UVSSA: variants seen among roughly 807,000 people sequenced by gnomAD.
UVSSA encodes UV-stimulated scaffold protein A.
UVSSA carries 72 observed loss-of-function variants against 73.9 expected under a neutral mutation model. The observed-to-expected ratio is 0.97, with a 90% CI of 0.81 to 1.19. The LOEUF (loss-of-function observed/expected upper bound fraction) is 1.19. Ranked by LOEUF, UVSSA falls within the 50% of genes most tolerant of loss-of-function variation. The probability of loss-of-function intolerance (pLI) is 0.00; values close to 1 mark genes in which losing one functional copy is unlikely to be tolerated. For missense variants in UVSSA, 1,150 were observed against 965.0 expected (o/e 1.19, Z -2.54); for synonymous variants, 454 against 391.3 (o/e 1.16, Z -1.89).
chr4:1,371,210 C>G (rs1225130841), intron 8 of UVSSA, among the ~76,000 whole-genome samples: 1 of 152,060 alleles, frequency 6.6e-6, no homozygotes, highest in Non-Finnish European at 1.5e-5. Context: ...GGCCTGCACG[C>G]TCTGCAGCTC....
At position 1,347,526 on chromosome 4, in the gene UVSSA, C is replaced by T. The variant is rs1430590081; in HGVS notation, c.-237C>T. On this transcript the variant is annotated 5_prime_UTR_variant, in exon 1 of 14. Coordinates refer to ENST00000389851, the MANE Select transcript of UVSSA (RefSeq NM_020894.4). ...CGAGTAGGGCGCAGCTTCCCAGCCT[C>T]CGCCCCGGCCTCGCCTGGCGCTTCC... is the stretch of plus-strand genomic sequence containing the variant. The T allele has an allele frequency of 1.3e-5, 2 of 152,546 alleles. No homozygotes were observed. Among genetic ancestry groups the T allele is most frequent in the African/African-American group, 4.8e-5 (2 of 41,478 alleles). The allele number at this position is 152,546 out of a possible 1,614,324, so 9.4% of individuals were successfully genotyped here.
At chr4:1,374,000 C>T (rs1336101163) in intron 8 of UVSSA, among the ~76,000 whole-genome samples, 1 of 152,260 alleles carries the variant, frequency 6.6e-6, no homozygotes, top group African/African-American at 2.4e-5. Context: ...TGCACCTCTT[C>T]GCCCCAGCTG....
At chr4:1,392,955 A>T (rs1720440848), downstream of UVSSA, 1 of 152,204 alleles carries the variant, frequency 6.6e-6, no homozygotes, top group African/African-American at 2.4e-5. Context: ...ATGTGTGGTG[A>T]GTATGCCTTC....
chr4:1,351,683 C>G, intron 3 of UVSSA, 32 bp from the exon 4 acceptor site: 1 of 1,609,138 alleles, frequency 6.2e-7, no homozygotes, highest in African/African-American at 1.3e-5. Flanking sequence ...GCCACCGCGC[C>G]TGTCCCCTAG....
At chr4:1,351,951 C>A in intron 4 of UVSSA, 116 bp downstream of exon 4, 1 of 1,486,180 alleles carries the variant, frequency 6.7e-7, no homozygotes, top group Non-Finnish European at 9.0e-7. Context: ...TTGAGACAGG[C>A]TAGGTGGAGA....
chr4:1,371,775 G>A (rs1718069049), intron 8 of UVSSA, among the ~76,000 whole-genome samples: 1 of 152,186 alleles, frequency 6.6e-6, no homozygotes, highest in South Asian at 2.1e-4. Context: ...CACCACGTGT[G>A]GGAATTATGG....
intron 8 of UVSSA, among the ~76,000 whole-genome samples, chr4:1,370,978 C>T (rs112015973): frequency 0.016 from 2,376 of 152,314 alleles, 69 homozygotes; most frequent in African/African-American, 0.051. Flanking sequence ...CTGTGCCCGG[C>T]GGCCTTGCAG....
intron 3 of UVSSA, among the ~76,000 whole-genome samples, chr4:1,350,913 A>G (rs1714619710): frequency 6.6e-6 from 1 of 151,860 alleles, no homozygotes; most frequent in South Asian, 2.1e-4. Flanking sequence ...GTTGTTGATG[A>G]TGTTGTTTTT....
chr4:1,350,431 C>T (rs1276082042), intron 3 of UVSSA, among the ~76,000 whole-genome samples: 1 of 152,154 alleles, frequency 6.6e-6, no homozygotes, highest in Non-Finnish European at 1.5e-5. Flanking sequence ...CTTGGAGTGC[C>T]CTGTCTCCCA....
chr4:1,376,253 C>T, intron 10 of UVSSA, 85 bp downstream of exon 10: 1 of 1,468,458 alleles, frequency 6.8e-7, no homozygotes. Flanking sequence ...ACCAGGCCTC[C>T]CTGGGTCTGA....
At chr4:1,355,088 C>G (rs977346381) in intron 6 of UVSSA, 29 bp from the exon 7 acceptor site, 2 of 1,611,652 alleles carry the variant, frequency 1.2e-6, no homozygotes, top group African/African-American at 2.7e-5. Context: ...CCGGCCGGCC[C>G]CTGAGCTGTT....
chr4:1,378,684 C>T (rs1044052419), intron 10 of UVSSA, among the ~76,000 whole-genome samples: 6 of 152,232 alleles, frequency 3.9e-5, no homozygotes, highest in Non-Finnish European at 5.9e-5. Flanking sequence ...CTGCGATCCA[C>T]GGGGCGTCTC....
intron 12 of UVSSA, among the ~76,000 whole-genome samples, chr4:1,381,561 A>G (rs1560485607): frequency 6.6e-6 from 1 of 152,022 alleles, no homozygotes; most frequent in Non-Finnish European, 1.5e-5. Context: ...CCCCAGGCCC[A>G]TCTGCCCGCC....
rs201904176 is a variant in UVSSA, at chr4:1,381,235, TGGG to T, written c.1861+248_1861+250del. Among the ~76,000 whole-genome samples, 1,011 of 152,102 alleles carry T rather than the reference TGGG, an allele frequency of 6.6e-3. 9 individuals are homozygous for T. Among genetic ancestry groups the T allele is most frequent in the African/African-American group, 0.023 (960 of 41,472 alleles). ...TGTTCATGAGGCCCTGACCGGGAGG[TGGG>T]CACCCACGGCCCCGAAGCCACAGGT... is the stretch of plus-strand genomic sequence containing the variant. On this transcript the variant is annotated intron_variant, in intron 12 of 13. Coordinates refer to ENST00000389851, the MANE Select transcript of UVSSA (RefSeq NM_020894.4).
At chr4:1,388,164 TA>T (rs1489108901), downstream of UVSSA, 1 of 152,232 alleles carries the variant, frequency 6.6e-6, no homozygotes, top group Non-Finnish European at 1.5e-5. Context: ...CATATTTTAT[TA>T]TTTTTGATTT....
intron 12 of UVSSA, among the ~76,000 whole-genome samples, chr4:1,381,643 T>C (rs968330221): frequency 6.6e-6 from 1 of 151,336 alleles, no homozygotes; most frequent in Non-Finnish European, 1.5e-5. Context: ...TTAGAGGCCC[T>C]GGCCAGCCTC....
chr4:1,386,590 A>C lies in UVSSA; in HGVS notation c.*629A>C, dbSNP rs1039167362. 6.6e-6 allele frequency: 1 copy of C among 152,432 alleles called. No homozygotes were observed. Among genetic ancestry groups the C allele is most frequent in the Non-Finnish European group, 1.5e-5 (1 of 68,202 alleles). The allele number at this position is 152,432 out of a possible 1,614,324, so 9.4% of individuals were successfully genotyped here. A position where few individuals can be genotyped will look rare whatever the true frequency, so the allele number is the denominator to read the frequency against. ...CTTGTGCACCCATGTTCACAGCAGC[A>C]TTGGAGAAGGATACCGAACATCTTC... is the stretch of plus-strand genomic sequence containing the variant. On this transcript the variant is annotated 3_prime_UTR_variant, in exon 14 of 14. Transcript: ENST00000389851.
intron 8 of UVSSA, among the ~76,000 whole-genome samples, chr4:1,373,106 G>A (rs1160897063): frequency 4.6e-5 from 7 of 152,184 alleles, no homozygotes; most frequent in Admixed American, 2.6e-4. Flanking sequence ...CTTCTCCTTC[G>A]GCACTTTCAA....
chr4:1,355,676 G>A (rs550553305), intron 7 of UVSSA, among the ~76,000 whole-genome samples: 4 of 152,308 alleles, frequency 2.6e-5, no homozygotes, highest in South Asian at 2.1e-4. Context: ...GCCCACTTGG[G>A]GTGAAGACTT....
Sources: allele counts gnomAD v4.1 joint callset (sites outside exome capture counted in the v4.1 genomes callset), GRCh38; gene constraint gnomAD v4.1.1; transcripts MANE v1.5; gene names NCBI Gene and HGNC (gene_info 2026-07-23, HGNC 2026-07-21).